Variants in RBMS3 observed in about 807,000 individuals in gnomAD.
RBMS3 encodes the protein RNA-binding motif, single-stranded-interacting protein 3.
Under a neutral mutation model 66.8 loss-of-function variants are expected in RBMS3, and 27 were observed. The ratio of observed to expected loss-of-function variants is 0.40; its 90% CI spans 0.30 to 0.56. RBMS3 has a LOEUF of 0.56. Ranked by LOEUF, RBMS3 falls within the 20% of genes least tolerant of loss-of-function variation. The pLI is 0.40. For missense variants in RBMS3, 513 were observed against 549.5 expected (o/e 0.93, Z 0.66); for synonymous variants, 188 against 183.0 (o/e 1.03, Z -0.22).
chr3:29,611,941 C>T (rs1009087319), intron 4 of RBMS3, among the ~76,000 whole-genome samples: 4 of 151,916 alleles, frequency 2.6e-5, no homozygotes, highest in African/African-American at 9.7e-5. Context: ...AATGGTAGTA[C>T]AGTATAACGG....
At chr3:29,833,106 G>A (rs907274773) in intron 6 of RBMS3, among the ~76,000 whole-genome samples, 1 of 152,186 alleles carries the variant, frequency 6.6e-6, no homozygotes, top group Admixed American at 6.6e-5. Context: ...GTGGCATGGA[G>A]CAGATGTATC....
At chr3:29,632,970 A>AT (rs2049340763) in intron 4 of RBMS3, among the ~76,000 whole-genome samples, 1 of 151,868 alleles carries the variant, frequency 6.6e-6, no homozygotes, top group Non-Finnish European at 1.5e-5. Context: ...GCTAAAAGCA[A>AT]TTTTATAAAG....
intron 1 of RBMS3, among the ~76,000 whole-genome samples, chr3:29,331,547 C>T (rs990853288): frequency 2.0e-5 from 3 of 152,090 alleles, no homozygotes; most frequent in African/African-American, 7.2e-5. Context: ...ATAAATTTTA[C>T]CCACAAATCC....
At chr3:29,767,117 G>C (rs1287728574) in intron 6 of RBMS3, 1 of 151,924 alleles carries the variant, frequency 6.6e-6, no homozygotes, top group African/African-American at 2.4e-5. Flanking sequence ...CAAAAGCAAA[G>C]GGTTAGTTCC....
At chr3:29,975,500 A>T (rs184918527) in intron 12 of RBMS3, among the ~76,000 whole-genome samples, 2 of 151,982 alleles carry the variant, frequency 1.3e-5, no homozygotes, top group East Asian at 3.9e-4. Context: ...GCATTTTTCT[A>T]ATGACCAGTG....
chr3:29,491,715 C>A (rs79742999), intron 3 of RBMS3, among the ~76,000 whole-genome samples: 1 of 152,114 alleles, frequency 6.6e-6, no homozygotes, highest in Non-Finnish European at 1.5e-5. Flanking sequence ...GCGGTTAGGC[C>A]GGGCGCAGTG....
intron 3 of RBMS3, among the ~76,000 whole-genome samples, chr3:29,560,257 A>AT (rs2046501955): frequency 6.6e-6 from 1 of 152,230 alleles, no homozygotes; most frequent in Non-Finnish European, 1.5e-5. Context: ...CTGGAATTTT[A>AT]TAATTAATTA....
intron 4 of RBMS3, among the ~76,000 whole-genome samples, chr3:29,664,680 A>T (rs1559548876): frequency 7.2e-6 from 1 of 137,992 alleles, no homozygotes; most frequent in Non-Finnish European, 1.6e-5. Flanking sequence ...TCAGATGATT[A>T]AAAAAAAAAA....
At chr3:29,933,559 T>C (rs1027533721) in intron 10 of RBMS3, among the ~76,000 whole-genome samples, 3 of 152,146 alleles carry the variant, frequency 2.0e-5, no homozygotes, top group Admixed American at 2.0e-4. Flanking sequence ...GTATTCTTAA[T>C]AATTTGTAGG....
At position 30,005,962 on chromosome 3, in the gene RBMS3, A is replaced by T. The variant is rs1437282496; in HGVS notation, c.*2100A>T. 2 of 151,866 alleles carry T rather than the reference A, an allele frequency of 1.3e-5. No homozygotes were observed. Among genetic ancestry groups the T allele is most frequent in the African/African-American group, 4.8e-5 (2 of 41,406 alleles). 9.4% of individuals were successfully genotyped at this position (151,866 alleles called of 1,614,324 possible). A position where few individuals can be genotyped will look rare whatever the true frequency, so the allele number is the denominator to read the frequency against. On this transcript the variant is annotated 3_prime_UTR_variant, in exon 15 of 15. Transcript: ENST00000383767. ...TGTCTAAAATGAATTAAATTGACCC[A>T]CCTGTAAAATATATCTACATTTTTA... is the stretch of plus-strand genomic sequence containing the variant.
rs776357215 is a variant in RBMS3 at position 29,384,435 on chromosome 3, T to TAATAATAATAATAATAATAAGAAGAAG, written c.76-50306_76-50305insTAATAATAATAATAATAAGAAGAAGAA. 9.9e-5 allele frequency among the ~76,000 whole-genome samples: 14 copies of TAATAATAATAATAATAATAAGAAGAAG among 141,106 alleles called. No homozygotes were observed. The East Asian group carries it at 1.2e-3, about 13-fold the overall frequency. The allele number at this position is 141,106 out of a possible 152,430, so 92.6% of individuals were successfully genotyped here. On this transcript the variant is annotated intron_variant, in intron 1 of 14. Transcript: ENST00000383767. ...TATACACCAATAATAATAATAATAA[T>TAATAATAATAATAATAATAAGAAGAAG]AAGAAGAAGAAGAAGAAGAAGAAGA...
chr3:29,547,491 C>T (rs76034509), intron 3 of RBMS3, among the ~76,000 whole-genome samples: 8,134 of 151,912 alleles, frequency 0.054, 356 homozygotes, highest in African/African-American at 0.12. Context: ...TCCCCCCGCC[C>T]CACCATTATT....
intron 8 of RBMS3, among the ~76,000 whole-genome samples, chr3:29,885,162 T>C (rs572364580): frequency 9.9e-5 from 15 of 151,960 alleles, no homozygotes; most frequent in Admixed American, 1.3e-4. Flanking sequence ...CTATGTTCTA[T>C]AGATTTAAAA....
At chr3:29,944,158 T>A in intron 11 of RBMS3, 49 bp from the exon 12 acceptor site, 2 of 1,507,348 alleles carry the variant, frequency 1.3e-6, no homozygotes, top group Non-Finnish European at 1.8e-6. Context: ...TCTATTTTAT[T>A]TTCTTTTGTA....
chr3:29,671,852 A>G (rs944480352), intron 4 of RBMS3, among the ~76,000 whole-genome samples: 11 of 152,168 alleles, frequency 7.2e-5, no homozygotes, highest in Non-Finnish European at 1.6e-4. Flanking sequence ...AAGCTGGAAA[A>G]CACTCTTCAG....
intron 10 of RBMS3, among the ~76,000 whole-genome samples, chr3:29,933,631 C>T (rs2061188343): frequency 6.6e-6 from 1 of 152,058 alleles, no homozygotes. Context: ...ACATATCCTT[C>T]CCCAAGAATC....
intron 1 of RBMS3, among the ~76,000 whole-genome samples, chr3:29,362,521 C>T (rs569854397): frequency 1.3e-5 from 2 of 152,270 alleles, no homozygotes; most frequent in Admixed American, 6.5e-5. Context: ...AGGCAGTCTG[C>T]CCATTGTCAG....
Position 29,320,996 on chromosome 3 carries a change from C to T in RBMS3, c.75+39240C>T, listed in dbSNP as rs112425288. Among the ~76,000 whole-genome samples, 602 of 151,694 alleles carry T rather than the reference C, an allele frequency of 4.0e-3. 2 individuals carry two copies. Among genetic ancestry groups the T allele is most frequent in the African/African-American group, 0.014 (561 of 41,402 alleles). ...TTTATTCCTGTGTCATGCAAAACAG[C>T]GAGTTTTGAGGAATACATTGAGTTA... is the stretch of plus-strand genomic sequence containing the variant. On this transcript the variant is annotated intron_variant, in intron 1 of 14. Coordinates refer to ENST00000383767, the MANE Select transcript of RBMS3 (RefSeq NM_001003793.3).
chr3:29,765,415 C>T (rs1364356203), intron 6 of RBMS3, among the ~76,000 whole-genome samples: 5 of 151,936 alleles, frequency 3.3e-5, no homozygotes, highest in South Asian at 2.1e-4. Context: ...GGCCAATTTC[C>T]GAATCTTTTT....
Sources: gnomAD v4.1 joint callset for allele counts (sites outside exome capture counted in the v4.1 genomes callset) on GRCh38, gnomAD v4.1.1 for gene constraint, MANE v1.5 for transcripts, NCBI Gene and HGNC (gene_info 2026-07-23, HGNC 2026-07-21) for gene names.